CTNNA2: variants seen among roughly 807,000 people sequenced by gnomAD.
The protein encoded by CTNNA2 is catenin alpha-2.
CTNNA2 carries 42 observed loss-of-function variants against 101.0 expected under a neutral mutation model. That is an observed-to-expected ratio of 0.42 (90% CI 0.32 to 0.54). CTNNA2 has a LOEUF of 0.54. Among genes scored for constraint, CTNNA2 ranks in the 20% least tolerant of loss-of-function variants. The probability of loss-of-function intolerance (pLI) is 0.14; values close to 1 mark genes in which losing one functional copy is unlikely to be tolerated. For missense variants in CTNNA2, 871 were observed against 1,223.1 expected, an observed-to-expected ratio of 0.71 and a Z score of 4.29; for synonymous variants, 450 against 456.4, an observed-to-expected ratio of 0.99 and a Z score of 0.18.
intron 7 of CTNNA2, among the ~76,000 whole-genome samples, chr2:80,001,736 G>A (rs891435037): frequency 6.6e-6 from 1 of 152,126 alleles, no homozygotes; most frequent in South Asian, 2.1e-4. Flanking sequence ...GAAAGAGGAG[G>A]CGGCCGGACA....
chr2:80,003,972 G>T (rs932660303), intron 7 of CTNNA2, among the ~76,000 whole-genome samples: 21 of 152,168 alleles, frequency 1.4e-4, no homozygotes, highest in Non-Finnish European at 2.6e-4. Context: ...GAATCCAACA[G>T]CTCCACTGGA....
At chr2:80,523,880 GTTGCCATACTTAGGGGAAA>G in intron 9 of CTNNA2, among the ~76,000 whole-genome samples, 1 of 152,242 alleles carries the variant, frequency 6.6e-6, no homozygotes, top group African/African-American at 2.4e-5. Context: ...GGAAGATTAC[GTTGCCATACTTAGGGGAAA>G]TTGGTTGAGG....
chr2:79,472,626 G>T (rs1327051514), intron 4 of CTNNA2, among the ~76,000 whole-genome samples: 1 of 152,088 alleles, frequency 6.6e-6, no homozygotes, highest in African/African-American at 2.4e-5. Context: ...TGCAGGGGTG[G>T]TTTGGTAAGC....
At chr2:79,926,171 C>G (rs2974151) in intron 7 of CTNNA2, among the ~76,000 whole-genome samples, 23,142 of 152,106 alleles carry the variant, frequency 0.15, 1,946 homozygotes, top group East Asian at 0.26. Flanking sequence ...AGTTTCTCAG[C>G]AGTTCCTGGT....
intron 7 of CTNNA2, among the ~76,000 whole-genome samples, chr2:80,064,055 G>C (rs568480586): frequency 1.3e-5 from 2 of 152,224 alleles, no homozygotes; most frequent in East Asian, 3.9e-4. Context: ...ACTAGATGAG[G>C]GAAAAAGAGG....
At chr2:80,061,396 A>G (rs1697590308) in intron 7 of CTNNA2, among the ~76,000 whole-genome samples, 1 of 152,214 alleles carries the variant, frequency 6.6e-6, no homozygotes, top group African/African-American at 2.4e-5. Context: ...ATCTCTTTAG[A>G]ATTTTGTTTC....
intron 7 of CTNNA2, among the ~76,000 whole-genome samples, chr2:80,309,869 CA>C (rs200164253): frequency 0.034 from 3,529 of 104,796 alleles, 55 homozygotes; most frequent in Middle Eastern, 0.06. Flanking sequence ...TACCACATCT[CA>C]AAAAAAAAAA....
At chr2:79,876,822 G>GT (rs150923486) in intron 6 of CTNNA2, among the ~76,000 whole-genome samples, 4 of 151,624 alleles carry the variant, frequency 2.6e-5, no homozygotes, top group African/African-American at 4.8e-5. Context: ...AATGTTCAAG[G>GT]TTTTTTTTTT....
At chr2:80,289,486 G>C (rs892448495) in intron 7 of CTNNA2, among the ~76,000 whole-genome samples, 1 of 152,168 alleles carries the variant, frequency 6.6e-6, no homozygotes, top group African/African-American at 2.4e-5. Context: ...CTTAGCTTCT[G>C]CTTCTAGGAG....
chr2:80,245,822 T>TTTTTTTTTTTTTTTTTTTTTTG (rs1558937542), intron 7 of CTNNA2, among the ~76,000 whole-genome samples: 3 of 135,468 alleles, frequency 2.2e-5, no homozygotes, highest in African/African-American at 8.7e-5. Flanking sequence ...TTTTTTTTTT[T>TTTTTTTTTTTTTTTTTTTTTTG]TGCACTCTGT....
chr2:80,464,125 A>G (rs1572954213), intron 9 of CTNNA2, among the ~76,000 whole-genome samples: 2 of 152,120 alleles, frequency 1.3e-5, no homozygotes, highest in East Asian at 3.9e-4. Flanking sequence ...TCCAAGCATC[A>G]CTGCAGCCCT....
At chr2:80,070,825 T>C (rs760096824) in intron 7 of CTNNA2, among the ~76,000 whole-genome samples, 3 of 152,154 alleles carry the variant, frequency 2.0e-5, no homozygotes, top group Non-Finnish European at 2.9e-5. Flanking sequence ...TCCTTTCTTC[T>C]TCCAGCTGCT....
chr2:80,057,003 A>G (rs780635779), intron 7 of CTNNA2, among the ~76,000 whole-genome samples: 1 of 152,218 alleles, frequency 6.6e-6, no homozygotes, highest in Non-Finnish European at 1.5e-5. Flanking sequence ...GAATTTACAT[A>G]TCTTCACTTT....
intron 4 of CTNNA2, among the ~76,000 whole-genome samples, chr2:79,485,693 T>C (rs967852801): frequency 1.3e-5 from 2 of 152,120 alleles, no homozygotes; most frequent in African/African-American, 4.8e-5. Context: ...CCTTGGTAGG[T>C]TGGACAATAT....
At chr2:80,316,326 A>G (rs1189205982) in intron 7 of CTNNA2, among the ~76,000 whole-genome samples, 1 of 152,196 alleles carries the variant, frequency 6.6e-6, no homozygotes, top group African/African-American at 2.4e-5. Flanking sequence ...CACCATTCAG[A>G]TATTAGAGCA....
At chr2:80,096,705 AT>A (rs1433523934) in intron 7 of CTNNA2, among the ~76,000 whole-genome samples, 3 of 152,152 alleles carry the variant, frequency 2.0e-5, no homozygotes, top group Non-Finnish European at 4.4e-5. Context: ...TTGGGTGCAT[AT>A]ATATTTAGGA....
chr2:80,294,452 A>G (rs1170006502), intron 7 of CTNNA2, among the ~76,000 whole-genome samples: 1 of 74,584 alleles, frequency 1.3e-5, no homozygotes, highest in African/African-American at 3.2e-5. Flanking sequence ...GACCCCATGG[A>G]GCCCTGACCC....
At chr2:80,355,985 C>G (rs566022014) in intron 7 of CTNNA2, among the ~76,000 whole-genome samples, 3 of 151,836 alleles carry the variant, frequency 2.0e-5, no homozygotes, top group African/African-American at 4.8e-5. Flanking sequence ...TTTCACTCTT[C>G]AAAATAATCA....
intron 7 of CTNNA2, among the ~76,000 whole-genome samples, chr2:80,264,949 AAAGGATAGGG>A (rs1558952554): frequency 1.3e-5 from 2 of 149,908 alleles, no homozygotes; most frequent in African/African-American, 4.9e-5. Flanking sequence ...TATCAATGAG[AAAGGATAGGG>A]AAGGATAGGG....
Sources: allele counts gnomAD v4.1 joint callset (sites outside exome capture counted in the v4.1 genomes callset), GRCh38; gene constraint gnomAD v4.1.1; transcripts MANE v1.5; gene names NCBI Gene and HGNC (gene_info 2026-07-23, HGNC 2026-07-21).